Variants in AFF2 observed in about 807,000 individuals in gnomAD.
AFF2 encodes the protein AF4/FMR2 family member 2.
A neutral mutation model predicts 76.9 loss-of-function variants in AFF2; 14 were observed. That is an observed-to-expected ratio of 0.18 (90% CI 0.12 to 0.28). AFF2 has a LOEUF of 0.28. Ranked by LOEUF, AFF2 falls within the 10% of genes least tolerant of loss-of-function variation. The pLI is 1.00. For missense variants in AFF2, 868 were observed against 1,001.1 expected, an observed-to-expected ratio of 0.87 and a Z score of 1.79; for synonymous variants, 398 against 366.7, an observed-to-expected ratio of 1.09 and a Z score of -0.98.
intron 3 of AFF2, among the ~76,000 whole-genome samples, chrX:148,799,320 T>G (rs1187799718): frequency 2.7e-5 from 3 of 111,518 alleles, no homozygotes; most frequent in African/African-American, 9.8e-5. Context: ...AATGGTAATT[T>G]TGCCAACACT....
intron 8 of AFF2, 35 bp downstream of exon 8, chrX:148,886,020 G>A: frequency 9.4e-7 from 1 of 1,059,493 alleles, no homozygotes; most frequent in South Asian, 1.9e-5. Context: ...TTGGGATGAA[G>A]GGGGGAGCAG....
chrX:148,611,382 A>C (rs1422650018), intron 1 of AFF2, among the ~76,000 whole-genome samples: 2 of 112,449 alleles, frequency 1.8e-5, no homozygotes, highest in Non-Finnish European at 3.8e-5. Context: ...ATTTGTATAC[A>C]CATAAGATAT....
chrX:148,753,438 T>C (rs994448164), intron 3 of AFF2, among the ~76,000 whole-genome samples: 10 of 111,780 alleles, frequency 8.9e-5, no homozygotes, highest in Non-Finnish European at 1.7e-4. Context: ...GGCAGTATCA[T>C]AAATGGACTT....
At position 148,545,964 on chromosome X, in the gene AFF2, G is replaced by T. The variant is rs782135580; in HGVS notation, c.47+44820G>T. Among the ~76,000 whole-genome samples, 3 of 111,653 alleles carry T rather than the reference G, an allele frequency of 2.7e-5. No homozygotes were observed. The East Asian group carries it at 8.4e-4, about 31-fold the overall frequency. On this transcript the variant is annotated intron_variant, in intron 1 of 20. Transcript: ENST00000370460. ...CACCTTGACATGATGCTATGGAATA[G>T]ATTTATATTAAAAACTGCTTACTTT...
chrX:148,533,526 T>G (rs1486836049), intron 1 of AFF2, among the ~76,000 whole-genome samples: 1 of 111,325 alleles, frequency 9.0e-6, no homozygotes, highest in Admixed American at 9.6e-5. Context: ...TCTCCTGACC[T>G]CGTGATCCGC....
intron 15 of AFF2, among the ~76,000 whole-genome samples, chrX:148,972,817 G>A (rs2072274278): frequency 1.2e-4 from 1 of 8,345 alleles, no homozygotes; most frequent in Non-Finnish European, 2.6e-4. Flanking sequence ...TGTTGCCATT[G>A]CTTTTGGTGT....
chrX:148,563,319 T>C (rs1195230206), intron 1 of AFF2, among the ~76,000 whole-genome samples: 1 of 111,880 alleles, frequency 8.9e-6, no homozygotes, highest in African/African-American at 3.3e-5. Flanking sequence ...GGGGATCTGA[T>C]TTACATTTTA....
At chrX:148,583,024 CA>C (rs1365214023) in intron 1 of AFF2, among the ~76,000 whole-genome samples, 9 of 111,773 alleles carry the variant, frequency 8.1e-5, no homozygotes, top group Non-Finnish European at 1.7e-4. Context: ...TGTATGATTC[CA>C]TTTATGTAAA....
intron 1 of AFF2, among the ~76,000 whole-genome samples, chrX:148,602,356 T>C (rs1440521998): frequency 9.0e-6 from 1 of 110,767 alleles, no homozygotes. Context: ...AGTGGGAAGT[T>C]GTTGGAGAAT....
chrX:148,869,794 G>A (rs782096192), intron 7 of AFF2, among the ~76,000 whole-genome samples: 23 of 111,651 alleles, frequency 2.1e-4, no homozygotes, highest in Non-Finnish European at 3.6e-4. Flanking sequence ...GTAAGAGAAG[G>A]ATCTGTTCCA....
At chrX:148,647,605 A>C (rs1483548178) in intron 1 of AFF2, among the ~76,000 whole-genome samples, 1 of 111,504 alleles carries the variant, frequency 9.0e-6, no homozygotes, top group Non-Finnish European at 1.9e-5. Context: ...TTTCTAATAA[A>C]ATGCAGTCCT....
rs1010179257 is a variant in AFF2 at position 148,701,193 on chromosome X, G to C, written c.1041+38425G>C. ...TATTGAAATAGACCTCCTAGGTTTA[G>C]AGAAAAGTGGTTTTTCGCAGACAAA... On this transcript the variant is annotated intron_variant, in intron 3 of 20. Coordinates refer to ENST00000370460, the MANE Select transcript of AFF2 (RefSeq NM_002025.4). Among the ~76,000 whole-genome samples the C allele has an allele frequency of 4.5e-5, 5 of 111,436 alleles. No individual in the cohort carries two copies. In the South Asian group the frequency reaches 1.1e-3, roughly 26 times the overall value.
At chrX:148,688,998 G>A (rs782366705) in intron 3 of AFF2, among the ~76,000 whole-genome samples, 7 of 112,140 alleles carry the variant, frequency 6.2e-5, no homozygotes, top group Non-Finnish European at 1.3e-4. Context: ...TAGTTTGTTA[G>A]GTTGGCTATA....
chrX:148,664,477 G>A (rs1282279414), intron 3 of AFF2, among the ~76,000 whole-genome samples: 1 of 111,204 alleles, frequency 9.0e-6, no homozygotes, highest in Non-Finnish European at 1.9e-5. Context: ...GGTCTGGTCA[G>A]TTGTCACCTT....
rs1300726368 is a variant in AFF2, at chrX:148,997,393, A to C, written c.*6061A>C. On this transcript the variant is annotated 3_prime_UTR_variant, in exon 21 of 21. Coordinates refer to ENST00000370460, the MANE Select transcript of AFF2 (RefSeq NM_002025.4). Reference sequence around the variant, plus strand: ...TAGAATAGAAAATCTCAAAGAATTCATTCTCCTGGTCCTGTGCATCTTCTG... The same window carrying C: ...TAGAATAGAAAATCTCAAAGAATTCCTTCTCCTGGTCCTGTGCATCTTCTG... 8.9e-6 allele frequency: 1 copy of C among 112,069 alleles called. No individual in the cohort carries two copies. Among genetic ancestry groups the C allele is most frequent in the Non-Finnish European group, 1.9e-5 (1 of 53,280 alleles). The allele number at this position is 112,069 out of a possible 1,213,427, so 9.2% of individuals were successfully genotyped here. A position where few individuals can be genotyped will look rare whatever the true frequency, so the allele number is the denominator to read the frequency against.
At chrX:148,919,808 T>C (rs986590897) in intron 9 of AFF2, among the ~76,000 whole-genome samples, 1 of 111,909 alleles carries the variant, frequency 8.9e-6, no homozygotes, top group Admixed American at 9.5e-5. Flanking sequence ...ATATAATCTT[T>C]TCTAATTCAG....
chrX:148,676,837 G>A (rs2054491947), intron 3 of AFF2, among the ~76,000 whole-genome samples: 1 of 111,427 alleles, frequency 9.0e-6, no homozygotes, highest in Non-Finnish European at 1.9e-5. Context: ...AGAAAGATTG[G>A]TTGGGAAGAC....
At chrX:148,738,092 T>C (rs1222637510) in intron 3 of AFF2, among the ~76,000 whole-genome samples, 1 of 111,312 alleles carries the variant, frequency 9.0e-6, no homozygotes, top group Non-Finnish European at 1.9e-5. Flanking sequence ...TTTGGTTATG[T>C]CCTTTCCTGG....
Position 148,983,442 on chromosome X carries a change from G to A in AFF2, c.3623+2652G>A, listed in dbSNP as rs782319407. Among the ~76,000 whole-genome samples the A allele has an allele frequency of 4.5e-5, 5 of 112,044 alleles. No individual in the cohort carries two copies. The South Asian group carries it at 1.9e-3, about 42-fold the overall frequency. ...TCCCTGCAGAGTTATGGTGAGGCTT[G>A]GACAGAATATTGGTGAAGCCCTGAA... On this transcript the variant is annotated intron_variant, in intron 19 of 20. Coordinates refer to ENST00000370460, the MANE Select transcript of AFF2 (RefSeq NM_002025.4).
Sources: allele counts gnomAD v4.1 joint callset (sites outside exome capture counted in the v4.1 genomes callset), GRCh38; gene constraint gnomAD v4.1.1; transcripts MANE v1.5; gene names NCBI Gene and HGNC (gene_info 2026-07-23, HGNC 2026-07-21).